Variants in RGS7 observed in about 807,000 individuals in gnomAD.
The protein encoded by RGS7 is regulator of G protein signaling 7.
Under a neutral mutation model 81.1 loss-of-function variants are expected in RGS7, and 27 were observed. The observed-to-expected ratio is 0.33, with a 90% confidence interval of 0.25 to 0.46. The LOEUF is 0.46. Ranked by LOEUF, RGS7 falls within the 20% of genes least tolerant of loss-of-function variation. RGS7 has a pLI of 1.00. For synonymous variants in RGS7, 208 were observed against 207.7 expected, an observed-to-expected ratio of 1.00 and a Z score of -0.01; for missense variants, 396 against 607.4, an observed-to-expected ratio of 0.65 and a Z score of 3.66.
chr1:241,188,635 G>A lies in RGS7; in HGVS notation c.79-89873C>T, dbSNP rs114671175. On this transcript the variant is annotated intron_variant, in intron 2 of 18. Coordinates refer to ENST00000440928, the MANE Select transcript of RGS7 (RefSeq NM_001364886.1). Reference sequence around the variant, plus strand: ...AAAAATGCTTGAGATTATAAACCACGACAGAAACAAATAAAACCACCTCAT... The same window carrying A: ...AAAAATGCTTGAGATTATAAACCACAACAGAAACAAATAAAACCACCTCAT... Among the ~76,000 whole-genome samples, 26 of 152,050 alleles carry A rather than the reference G, an allele frequency of 1.7e-4. 1 individual carries two copies. In the Middle Eastern group the frequency reaches 0.01, roughly 60 times the overall value.
chr1:240,985,079 C>G (rs957829584), intron 3 of RGS7, among the ~76,000 whole-genome samples: 2 of 152,164 alleles, frequency 1.3e-5, no homozygotes, highest in Admixed American at 6.5e-5. Context: ...GGCAGTTGAC[C>G]GTGTCCCGGT....
In RGS7 at chr1:241,245,073, G is replaced by A. The variant is rs560305952; in HGVS notation, c.78+110626C>T. On this transcript the variant is annotated intron_variant, in intron 2 of 18. Coordinates refer to ENST00000440928, the MANE Select transcript of RGS7 (RefSeq NM_001364886.1). ...GTATACATATGTAACTAACCTGCAC[G>A]TTGTGCACATGTACCCTAAAACTTA... is the stretch of plus-strand genomic sequence containing the variant. Among the ~76,000 whole-genome samples the A allele has an allele frequency of 1.4e-3, 211 of 152,098 alleles. 7 individuals are homozygous for A. The highest frequency in any genetic ancestry group is 6.2e-4 in the South Asian group (3 of 4,806).
chr1:240,885,878 C>T (rs559799160), intron 6 of RGS7, among the ~76,000 whole-genome samples: 2 of 152,054 alleles, frequency 1.3e-5, no homozygotes, highest in African/African-American at 4.8e-5. Flanking sequence ...AACAAACCTG[C>T]GCACATACTC....
chr1:240,873,576 T>C (rs1375502087), intron 6 of RGS7, among the ~76,000 whole-genome samples: 1 of 152,158 alleles, frequency 6.6e-6, no homozygotes, highest in Non-Finnish European at 1.5e-5. Flanking sequence ...CTGGATCCCA[T>C]CTTTGAGTAG....
At chr1:240,825,423 T>A (rs533363632) in intron 10 of RGS7, among the ~76,000 whole-genome samples, 3 of 152,360 alleles carry the variant, frequency 2.0e-5, no homozygotes, top group Admixed American at 6.5e-5. Flanking sequence ...CACTTCTGAC[T>A]GTGAGAAGCT....
At chr1:241,190,563 C>T (rs370589046) in intron 2 of RGS7, among the ~76,000 whole-genome samples, 1 of 152,088 alleles carries the variant, frequency 6.6e-6, no homozygotes, top group Non-Finnish European at 1.5e-5. Flanking sequence ...TAAATATTTA[C>T]TTTAAAATGT....
intron 2 of RGS7, among the ~76,000 whole-genome samples, chr1:241,320,785 T>C (rs1005730520): frequency 5.9e-5 from 9 of 152,188 alleles, no homozygotes; most frequent in African/African-American, 2.2e-4. Context: ...AAGTGCAGTG[T>C]TGAAGCATGC....
At chr1:241,128,580 G>C (rs951824792) in intron 2 of RGS7, among the ~76,000 whole-genome samples, 1 of 151,858 alleles carries the variant, frequency 6.6e-6, no homozygotes, top group Non-Finnish European at 1.5e-5. Flanking sequence ...ACGAGACTCC[G>C]TCTCAAAATA....
chr1:240,870,641 A>T (rs1664317646), intron 6 of RGS7, among the ~76,000 whole-genome samples: 1 of 152,214 alleles, frequency 6.6e-6, no homozygotes, highest in Non-Finnish European at 1.5e-5. Context: ...AGACATAATC[A>T]TTTAAAAATT....
chr1:241,278,210 T>C (rs777543236), intron 2 of RGS7, among the ~76,000 whole-genome samples: 1 of 152,216 alleles, frequency 6.6e-6, no homozygotes, highest in African/African-American at 2.4e-5. Flanking sequence ...CTTCTTCCAT[T>C]GCTTCACCAC....
chr1:241,247,926 C>T (rs561416860), intron 2 of RGS7, among the ~76,000 whole-genome samples: 13 of 152,260 alleles, frequency 8.5e-5, no homozygotes, highest in Admixed American at 5.2e-4. Flanking sequence ...ATGTAAATAA[C>T]TCTCTATATG....
At chr1:241,311,003 G>A (rs910134375) in intron 2 of RGS7, among the ~76,000 whole-genome samples, 4 of 152,190 alleles carry the variant, frequency 2.6e-5, no homozygotes, top group African/African-American at 4.8e-5. Context: ...GTTCTGACAC[G>A]GACTAATTTT....
At chr1:240,853,727 C>T (rs1226715837) in intron 9 of RGS7, among the ~76,000 whole-genome samples, 1 of 151,644 alleles carries the variant, frequency 6.6e-6, no homozygotes, top group Non-Finnish European at 1.5e-5. Flanking sequence ...ACGGTGAAAC[C>T]CCGTCTCTAC....
intron 3 of RGS7, among the ~76,000 whole-genome samples, chr1:241,029,053 G>A (rs1450006856): frequency 6.6e-6 from 1 of 152,188 alleles, no homozygotes; most frequent in African/African-American, 2.4e-5. Flanking sequence ...CGATTGAAGA[G>A]GCGAAAATCA....
chr1:241,349,850 T>A (rs2083124909), intron 2 of RGS7, among the ~76,000 whole-genome samples: 1 of 152,192 alleles, frequency 6.6e-6, no homozygotes, highest in South Asian at 2.1e-4. Flanking sequence ...ACTGTCCAAA[T>A]TCAAAGTATT....
intron 2 of RGS7, among the ~76,000 whole-genome samples, chr1:241,279,343 T>C (rs1558267579): frequency 6.6e-6 from 1 of 152,198 alleles, no homozygotes; most frequent in Admixed American, 6.5e-5. Flanking sequence ...CTATGTTCTT[T>C]GAGGGAAAGT....
At chr1:241,175,138 G>A (rs1449289573) in intron 2 of RGS7, among the ~76,000 whole-genome samples, 6 of 151,876 alleles carry the variant, frequency 4.0e-5, no homozygotes, top group African/African-American at 1.2e-4. Flanking sequence ...GCCTGACCTC[G>A]TGATCCACTG....
chr1:240,963,532 G>C (rs773159852), intron 4 of RGS7, among the ~76,000 whole-genome samples: 1 of 152,194 alleles, frequency 6.6e-6, no homozygotes, highest in Non-Finnish European at 1.5e-5. Flanking sequence ...CTAAAAAGGA[G>C]TGAAAAATGC....
chr1:241,076,436 T>C (rs754200823), intron 3 of RGS7, among the ~76,000 whole-genome samples: 22 of 152,220 alleles, frequency 1.4e-4, no homozygotes, highest in Non-Finnish European at 1.0e-4. Context: ...ATGGCTATGA[T>C]AAATACTTGT....
Sources: allele counts gnomAD v4.1 joint callset (sites outside exome capture counted in the v4.1 genomes callset), GRCh38; gene constraint gnomAD v4.1.1; transcripts MANE v1.5; gene names NCBI Gene and HGNC (gene_info 2026-07-23, HGNC 2026-07-21).